The following FANK1 variants were observed in gnomAD, a reference collection of about 807,000 sequenced individuals.
FANK1 encodes fibronectin type 3 and ankyrin repeat domains protein 1.
FANK1 carries 44 observed loss-of-function variants against 45.3 expected under a neutral mutation model. The observed-to-expected ratio is 0.97, with a 90% CI of 0.76 to 1.25. The LOEUF (loss-of-function observed/expected upper bound fraction) is 1.25. Ranked by LOEUF, FANK1 falls within the 50% of genes most tolerant of loss-of-function variation. The probability of loss-of-function intolerance (pLI) is 0.00; values close to 1 mark genes in which losing one functional copy is unlikely to be tolerated. For missense variants in FANK1, 391 were observed against 424.4 expected (o/e 0.92, Z 0.69); for synonymous variants, 149 against 152.5 (o/e 0.98, Z 0.17).
At chr10:125,963,338 T>G (rs1381937169) in intron 1 of FANK1, among the ~76,000 whole-genome samples, 1 of 152,214 alleles carries the variant, frequency 6.6e-6, no homozygotes, top group Non-Finnish European at 1.5e-5. Flanking sequence ...GACAGTGTGG[T>G]GATTCCTCAA....
chr10:125,960,611 CCACCTCCCGGGTT>C (rs1411461841), intron 1 of FANK1, among the ~76,000 whole-genome samples: 1 of 152,232 alleles, frequency 6.6e-6, no homozygotes, highest in Non-Finnish European at 1.5e-5. Context: ...ACTGCAAGCT[CCACCTCCCGGGTT>C]CATGTCATTC....
intron 1 of FANK1, among the ~76,000 whole-genome samples, chr10:125,956,727 T>C (rs772369457): frequency 7.2e-5 from 11 of 152,244 alleles, no homozygotes; most frequent in Middle Eastern, 6.8e-3. Flanking sequence ...ATGGTGACCA[T>C]GAAGGGACTC....
At chr10:125,940,696 C>T (rs566633950) in intron 1 of FANK1, among the ~76,000 whole-genome samples, 3 of 152,198 alleles carry the variant, frequency 2.0e-5, no homozygotes, top group Non-Finnish European at 2.9e-5. Context: ...TCTTTCCCTT[C>T]GCACGAGGCC....
intron 1 of FANK1, among the ~76,000 whole-genome samples, chr10:125,952,523 C>T (rs1590017375): frequency 6.6e-6 from 1 of 152,088 alleles, no homozygotes; most frequent in East Asian, 1.9e-4. Context: ...AAACCAGGAT[C>T]ACCCTTGTGT....
intron 1 of FANK1, among the ~76,000 whole-genome samples, chr10:125,934,161 C>T (rs1036718811): frequency 6.6e-6 from 1 of 152,056 alleles, no homozygotes; most frequent in Admixed American, 6.6e-5. Context: ...TAGCTAATTT[C>T]AACATAATGT....
intron 2 of FANK1, among the ~76,000 whole-genome samples, chr10:125,985,498 T>C (rs1406472112): frequency 6.6e-6 from 1 of 152,240 alleles, no homozygotes; most frequent in Non-Finnish European, 1.5e-5. Context: ...GAGCTTTTAC[T>C]TTTATGGTAA....
chr10:125,995,566 G>A, intron 4 of FANK1, 68 bp downstream of exon 4: 1 of 1,425,702 alleles, frequency 7.0e-7, no homozygotes, highest in Non-Finnish European at 9.9e-7. Flanking sequence ...ACATGCAGTA[G>A]TTTCATTTTG....
chr10:125,950,134 T>A (rs1438947335), intron 1 of FANK1, among the ~76,000 whole-genome samples: 2 of 149,086 alleles, frequency 1.3e-5, no homozygotes, highest in African/African-American at 2.5e-5. Context: ...ATTAAAGACT[T>A]AAACGTTAGA....
intron 1 of FANK1, among the ~76,000 whole-genome samples, chr10:125,912,807 G>A (rs1946134638): frequency 6.6e-6 from 1 of 152,058 alleles, no homozygotes; most frequent in Non-Finnish European, 1.5e-5. Context: ...CCAGCTAATT[G>A]TGTTTTTAGT....
intron 1 of FANK1, among the ~76,000 whole-genome samples, chr10:125,913,276 GCTGCATGACACCCAAACTCATT>G (rs1403759087): frequency 6.6e-6 from 1 of 151,840 alleles, no homozygotes; most frequent in Non-Finnish European, 1.5e-5. Context: ...ACACCTAAAC[GCTGCATGACACCCAAACTCATT>G]CTGCATGACA....
At chr10:125,911,363 C>T (rs918076888) in intron 1 of FANK1, among the ~76,000 whole-genome samples, 2 of 152,192 alleles carry the variant, frequency 1.3e-5, no homozygotes, top group African/African-American at 2.4e-5. Context: ...ATTTTAGCTC[C>T]GCAAGACGCG....
chr10:125,977,909 C>G (rs1950953266), intron 1 of FANK1, among the ~76,000 whole-genome samples: 1 of 152,184 alleles, frequency 6.6e-6, no homozygotes, highest in African/African-American at 2.4e-5. Flanking sequence ...AAGGGCAGTT[C>G]CACTGCTGAG....
chr10:125,946,819 G>C (rs1307212272), intron 1 of FANK1, among the ~76,000 whole-genome samples: 1 of 128,940 alleles, frequency 7.8e-6, no homozygotes, highest in Non-Finnish European at 1.6e-5. Context: ...ATAATTGTCA[G>C]ATTCACCAAA....
At chr10:125,970,804 TGA>T (rs1797980539) in intron 1 of FANK1, among the ~76,000 whole-genome samples, 1 of 151,540 alleles carries the variant, frequency 6.6e-6, no homozygotes, top group Non-Finnish European at 1.5e-5. Flanking sequence ...CCGTGGAAAG[TGA>T]GAGATGGAGA....
At chr10:125,962,276 C>A (rs188962995) in intron 1 of FANK1, among the ~76,000 whole-genome samples, 1 of 152,172 alleles carries the variant, frequency 6.6e-6, no homozygotes, top group Non-Finnish European at 1.5e-5. Context: ...AGATTTTCCA[C>A]TGAATCCTAG....
chr10:125,937,976 GA>G (rs1948209186), intron 1 of FANK1, among the ~76,000 whole-genome samples: 1 of 152,116 alleles, frequency 6.6e-6, no homozygotes, highest in Admixed American at 6.6e-5. Flanking sequence ...CATACAAACA[GA>G]AGCAAGTAGA....
chr10:125,995,615 A>G (rs761271637), intron 4 of FANK1, 117 bp downstream of exon 4: 1 of 885,304 alleles, frequency 1.1e-6, no homozygotes, highest in Admixed American at 2.0e-5. Context: ...ACTGCCTCCA[A>G]AATGGATCTC....
intron 1 of FANK1, among the ~76,000 whole-genome samples, chr10:125,971,491 A>G (rs992192023): frequency 1.3e-5 from 2 of 151,656 alleles, no homozygotes; most frequent in Non-Finnish European, 2.9e-5. Context: ...GCATTGTCTC[A>G]CTTTTTCTGA....
At chr10:125,925,136 C>T (rs1386375785) in intron 1 of FANK1, among the ~76,000 whole-genome samples, 2 of 151,900 alleles carry the variant, frequency 1.3e-5, no homozygotes, top group Non-Finnish European at 2.9e-5. Context: ...AGTTTTAAAT[C>T]TTCATCCTCC....
Sources: gnomAD v4.1 joint callset for allele counts (sites outside exome capture counted in the v4.1 genomes callset) on GRCh38, gnomAD v4.1.1 for gene constraint, MANE v1.5 for transcripts, NCBI Gene and HGNC (gene_info 2026-07-23, HGNC 2026-07-21) for gene names.